The following CXADR variants were observed in gnomAD, a reference collection of about 807,000 sequenced individuals.
CXADR encodes the protein CXADR cell adhesion molecule, also known as coxsackievirus and adenovirus receptor.
A neutral mutation model predicts 40.3 loss-of-function variants in CXADR; 20 were observed. The observed-to-expected ratio is 0.50, with a 90% confidence interval of 0.35 to 0.72. The LOEUF (loss-of-function observed/expected upper bound fraction) is 0.72. Ranked by LOEUF, CXADR falls within the 30% of genes least tolerant of loss-of-function variation. The pLI is 0.01. For synonymous variants in CXADR, 150 were observed against 161.3 expected (o/e 0.93, Z 0.53); for missense variants, 332 against 449.1 (o/e 0.74, Z 2.36).
Position 17,569,931 on chromosome 21 carries a change from G to C in CXADR, c.*4239G>C. ...GAAAATATTCTGACACTTCACGTGTGCAAAGTATAGAACTGACAGTGTCAG... is the reference window on the plus strand; with the variant it reads ...GAAAATATTCTGACACTTCACGTGTCCAAAGTATAGAACTGACAGTGTCAG... On this transcript the variant is annotated 3_prime_UTR_variant, in exon 7 of 7. Transcript: ENST00000284878. 1 of 985,348 alleles carries C rather than the reference G, an allele frequency of 1.0e-6. No individual in the cohort carries two copies. Among genetic ancestry groups the C allele is most frequent in the Non-Finnish European group, 1.2e-6 (1 of 829,928 alleles). 61.0% of individuals were successfully genotyped at this position (985,348 alleles called of 1,614,324 possible).
At chr21:17,593,306 T>G (rs2061459425) in exon 8 of CXADR, 1 of 972,470 alleles carries the variant, frequency 1.0e-6, no homozygotes, top group African/African-American at 1.7e-5. Flanking sequence ...TTAGAGCAGC[T>G]GTAAGAACAC....
intron 4 of CXADR, among the ~76,000 whole-genome samples, chr21:17,559,567 C>T (rs2061080975): frequency 6.6e-6 from 1 of 151,270 alleles, no homozygotes; most frequent in African/African-American, 2.4e-5. Context: ...AGGAATTATT[C>T]AGTGTTTTAT....
intron 7 of CXADR, among the ~76,000 whole-genome samples, chr21:17,591,935 A>C (rs2061440015): frequency 6.6e-6 from 1 of 151,966 alleles, no homozygotes; most frequent in East Asian, 1.9e-4. Flanking sequence ...CATTAGGAAT[A>C]GATTGGAAAA....
the CXADR span, among the ~76,000 whole-genome samples, chr21:17,622,643 G>A: frequency 1.3e-5 from 2 of 152,192 alleles, no homozygotes; most frequent in South Asian, 4.2e-4. Flanking sequence ...TGTATCATTA[G>A]CAACAACCAA....
At chr21:17,602,718 T>A in the CXADR span, among the ~76,000 whole-genome samples, 1 of 152,186 alleles carries the variant, frequency 6.6e-6, no homozygotes, top group African/African-American at 2.4e-5. Context: ...ATTAATAAGA[T>A]GAAAGCAAAG....
At chr21:17,560,586 T>G (rs2061103722) in intron 4 of CXADR, 116 bp from the exon 5 acceptor site, 1 of 975,622 alleles carries the variant, frequency 1.0e-6, no homozygotes, top group South Asian at 1.6e-5. Context: ...GCATCCAGCC[T>G]TGGTCTGTCT....
chr21:17,604,988 A>C, the CXADR span: 2 of 1,614,018 alleles, frequency 1.2e-6, no homozygotes, highest in Non-Finnish European at 1.7e-6. Context: ...ATTTATTGAC[A>C]CGAATACATC....
chr21:17,630,314 G>C, the CXADR span, among the ~76,000 whole-genome samples: 1 of 152,168 alleles, frequency 6.6e-6, no homozygotes, highest in Non-Finnish European at 1.5e-5. Flanking sequence ...TACCAAGATT[G>C]TGTCACACTT....
At chr21:17,518,778 T>G in intron 1 of CXADR, 1 of 1,581,088 alleles carries the variant, frequency 6.3e-7, no homozygotes, top group Non-Finnish European at 8.7e-7. Context: ...AAGCTTGGAC[T>G]TTGGGATTGT....
intron 7 of CXADR, among the ~76,000 whole-genome samples, chr21:17,581,168 A>G (rs1601056576): frequency 6.6e-6 from 1 of 152,218 alleles, no homozygotes; most frequent in Non-Finnish European, 1.5e-5. Context: ...TGTTACATCA[A>G]AGTGATACAC....
intron 7 of CXADR, among the ~76,000 whole-genome samples, chr21:17,577,850 T>A (rs922969649): frequency 6.6e-6 from 1 of 152,114 alleles, no homozygotes; most frequent in Non-Finnish European, 1.5e-5. Flanking sequence ...TCCTACTCTC[T>A]GCTTTCTATT....
chr21:17,582,846 G>A (rs1438517981), intron 7 of CXADR, among the ~76,000 whole-genome samples: 2 of 152,214 alleles, frequency 1.3e-5, no homozygotes, highest in Non-Finnish European at 2.9e-5. Flanking sequence ...TACATCTTAG[G>A]TCAGCTGTCA....
chr21:17,589,348 T>C (rs1225280916), intron 7 of CXADR, among the ~76,000 whole-genome samples: 1 of 152,126 alleles, frequency 6.6e-6, no homozygotes, highest in Non-Finnish European at 1.5e-5. Flanking sequence ...GATGGCAGCA[T>C]TTGCATCTGC....
At chr21:17,581,922 T>A (rs2061363209) in intron 7 of CXADR, among the ~76,000 whole-genome samples, 1 of 1,760 alleles carries the variant, frequency 5.7e-4, no homozygotes, top group Non-Finnish European at 1.3e-3. Context: ...TTGGGAGGAG[T>A]TTGTTTGTTT....
the CXADR span, among the ~76,000 whole-genome samples, chr21:17,619,542 T>G: frequency 6.6e-6 from 1 of 150,866 alleles, no homozygotes; most frequent in Non-Finnish European, 1.5e-5. Flanking sequence ...TGAGCCAAGA[T>G]GGTGCCATTG....
the CXADR span, chr21:17,604,796 A>G: frequency 2.2e-4 from 342 of 1,566,166 alleles, no homozygotes; most frequent in Middle Eastern, 1.5e-3. Context: ...GCCGTACATG[A>G]CAGAATGTCA....
chr21:17,534,789 C>T (rs866102847), intron 1 of CXADR, among the ~76,000 whole-genome samples: 9 of 131,930 alleles, frequency 6.8e-5, no homozygotes, highest in African/African-American at 2.0e-4. Context: ...TATTTTCTTC[C>T]TTTTTTTTTT....
downstream of CXADR, among the ~76,000 whole-genome samples, chr21:17,573,759 A>T (rs13051848): frequency 0.18 from 27,193 of 152,056 alleles, 2,549 homozygotes; most frequent in East Asian, 0.23. Context: ...AAATACAAAA[A>T]TTAGCTGGGT....
rs2123344904 is a variant in CXADR, at chr21:17,568,927, G to GA, written c.*3241dup. The GA allele has an allele frequency of 4.1e-6, 4 of 984,568 alleles. No individual in the cohort carries two copies. Among genetic ancestry groups the GA allele is most frequent in the Non-Finnish European group, 4.8e-6 (4 of 829,336 alleles). The allele number at this position is 984,568 out of a possible 1,614,324, so 61.0% of individuals were successfully genotyped here. ...AGTGTATCTTAGGGAGAGTTTGATT[G>GA]AAAAAATCCAAATCACTATCCATAT... is the stretch of plus-strand genomic sequence containing the variant. On this transcript the variant is annotated 3_prime_UTR_variant, in exon 7 of 7. Transcript: ENST00000284878.
Sources: gnomAD v4.1 joint callset for allele counts (sites outside exome capture counted in the v4.1 genomes callset) on GRCh38, gnomAD v4.1.1 for gene constraint, MANE v1.5 for transcripts, NCBI Gene and HGNC (gene_info 2026-07-23, HGNC 2026-07-21) for gene names.